The following COL5A1 variants were observed in gnomAD, a reference collection of about 807,000 sequenced individuals.
The protein encoded by COL5A1 is collagen alpha-1(V) chain.
A neutral mutation model predicts 263.7 loss-of-function variants in COL5A1; 16 were observed. The ratio of observed to expected loss-of-function variants is 0.06; its 90% CI spans 0.04 to 0.09. The LOEUF (loss-of-function observed/expected upper bound fraction) is 0.09, where lower values mean the gene tolerates loss of function less well. Among genes scored for constraint, COL5A1 ranks in the 10% least tolerant of loss-of-function variants. COL5A1 has a pLI of 1.00. For synonymous variants in COL5A1, 1,012 were observed against 1,004.5 expected, an observed-to-expected ratio of 1.01 and a Z score of -0.14; for missense variants, 2,036 against 2,540.5, an observed-to-expected ratio of 0.80 and a Z score of 4.27.
At chr9:134,714,973 G>A (rs1463789134) in intron 4 of COL5A1, among the ~76,000 whole-genome samples, 5 of 152,096 alleles carry the variant, frequency 3.3e-5, no homozygotes, top group South Asian at 2.1e-4. Flanking sequence ...GGTGTTTCTC[G>A]TTGGGTGGGA....
chr9:134,784,503 C>T (rs1163680865), intron 29 of COL5A1, among the ~76,000 whole-genome samples: 2 of 152,240 alleles, frequency 1.3e-5, no homozygotes, highest in South Asian at 4.1e-4. Context: ...CCTGGGACGC[C>T]TCCTGAGGCC....
chr9:134,805,288 C>A, intron 41 of COL5A1, 74 bp downstream of exon 41: 1 of 1,544,564 alleles, frequency 6.5e-7, no homozygotes, highest in Non-Finnish European at 8.9e-7. Context: ...TCCCCGAGAG[C>A]CCAGAGCATG....
rs1836030150 is a variant in COL5A1 at position 134,757,653 on chromosome 9, A to G, written c.1882-590A>G. On this transcript the variant is annotated intron_variant, in intron 17 of 65. Transcript: ENST00000371817. The surrounding 1 kb of genome is among the most constrained non-coding windows in gnomAD (Gnocchi z 6.2). ...AAGACCATGGTCTTCTTTCAACAACATGGCTGAAAGCCTAAAATGTCCCAT... is the reference window on the plus strand; with the variant it reads ...AAGACCATGGTCTTCTTTCAACAACGTGGCTGAAAGCCTAAAATGTCCCAT... Among the ~76,000 whole-genome samples, 1 of 152,196 alleles carries G rather than the reference A, an allele frequency of 6.6e-6. No homozygotes were observed. The highest frequency in any genetic ancestry group is 1.5e-5 in the Non-Finnish European group (1 of 68,032).
intron 35 of COL5A1, 83 bp downstream of exon 35, chr9:134,796,501 G>A (rs893727080): frequency 4.2e-6 from 6 of 1,440,286 alleles, no homozygotes; most frequent in African/African-American, 1.4e-5. Flanking sequence ...GGGGTGGGCT[G>A]GGGCCAGGGA....
At chr9:134,733,158 G>A (rs978122147) in intron 9 of COL5A1, among the ~76,000 whole-genome samples, 1 of 152,146 alleles carries the variant, frequency 6.6e-6, no homozygotes, top group Non-Finnish European at 1.5e-5. Context: ...ATACACCTTG[G>A]GTCTCCCAGA....
intron 4 of COL5A1, among the ~76,000 whole-genome samples, chr9:134,720,121 C>G (rs960433486): frequency 6.6e-6 from 1 of 152,166 alleles, no homozygotes; most frequent in Non-Finnish European, 1.5e-5. Context: ...AGGGCACGGC[C>G]CACTGGGCAA....
In COL5A1 at chr9:134,661,730, T is replaced by C. The variant is rs139314095; in HGVS notation, c.109+19434T>C. 5.7e-3 allele frequency among the ~76,000 whole-genome samples: 869 copies of C among 152,272 alleles called. 4 individuals are homozygous for C. The highest frequency in any genetic ancestry group is 0.014 in the Middle Eastern group (4 of 294). On this transcript the variant is annotated intron_variant, in intron 1 of 65. Transcript: ENST00000371817. ...TTAGCTGTAATCTCTCCAGGCCCTTTCAACCTAAATGTCTTTAATTCTGGG... is the reference window on the plus strand; with the variant it reads ...TTAGCTGTAATCTCTCCAGGCCCTTCCAACCTAAATGTCTTTAATTCTGGG...
intron 61 of COL5A1, among the ~76,000 whole-genome samples, chr9:134,824,144 A>G (rs990000533): frequency 6.6e-6 from 1 of 151,902 alleles, no homozygotes; most frequent in Non-Finnish European, 1.5e-5. Context: ...AGTCTCTCCA[A>G]CTCCCATCGT....
chr9:134,730,111 T>C (rs774974075), intron 6 of COL5A1, 125 bp from the exon 7 acceptor site: 9 of 1,443,108 alleles, frequency 6.2e-6, no homozygotes, highest in Non-Finnish European at 8.6e-6. Flanking sequence ...TCTGGGCCTC[T>C]TGACAGGCCT....
rs894036638 is a variant in COL5A1 at position 134,794,517 on chromosome 9, G to T, written c.2701-565G>T. Among the ~76,000 whole-genome samples, 3 of 152,002 alleles carry T rather than the reference G, an allele frequency of 2.0e-5. No individual in the cohort carries two copies. The highest frequency in any genetic ancestry group is 2.9e-5 in the Non-Finnish European group (2 of 67,996). On this transcript the variant is annotated intron_variant, in intron 32 of 65. Transcript: ENST00000371817. This position sits in a 1 kb window ranked among gnomAD's most constrained non-coding sequence, Gnocchi z 4.3. The stretch of plus-strand genomic sequence containing the variant: ...GTTTGGAAAATGCAAAACAACAACA[G>T]AAAAAAGAGTATAAATTCTATTAGA...
intron 9 of COL5A1, among the ~76,000 whole-genome samples, chr9:134,734,369 C>G (rs116269329): frequency 7.2e-5 from 11 of 152,180 alleles, no homozygotes; most frequent in African/African-American, 2.7e-4. Flanking sequence ...TTCCCTCCCC[C>G]GGGCCCCAGC....
chr9:134,760,500 G>GCA (rs1232533716), intron 18 of COL5A1, among the ~76,000 whole-genome samples: 1 of 61,434 alleles, frequency 1.6e-5, no homozygotes, highest in Admixed American at 2.3e-4. Flanking sequence ...CACCACACAT[G>GCA]CACACACGCA....
chr9:134,728,917 G>A (rs751410448), intron 6 of COL5A1, 110 bp downstream of exon 6: 50 of 1,442,020 alleles, frequency 3.5e-5, no homozygotes, highest in Non-Finnish European at 4.6e-5. Flanking sequence ...GGGCTGTCTG[G>A]TGAAGGTTGC....
Position 134,641,871 on chromosome 9 carries a change from C to G in COL5A1, c.-317C>G. ...AGCGGAGCGCCCACGGGGAGCGGGT[C>G]GCGGGGCGGCGGCGGCGAGGAGGAG... is the stretch of plus-strand genomic sequence containing the variant. On this transcript the variant is annotated 5_prime_UTR_variant, in exon 1 of 66. Coordinates refer to ENST00000371817, the MANE Select transcript of COL5A1 (RefSeq NM_000093.5). The G allele has an allele frequency of 2.6e-6, 1 of 389,702 alleles. No individual in the cohort carries two copies. The highest frequency in any genetic ancestry group is 3.6e-5 in the East Asian group (1 of 27,496). The allele number at this position is 389,702 out of a possible 1,614,324, so 24.1% of individuals were successfully genotyped here.
intron 32 of COL5A1, among the ~76,000 whole-genome samples, chr9:134,790,862 C>T (rs1236270175): frequency 6.6e-6 from 1 of 152,062 alleles, no homozygotes. Context: ...ACCTTTCACA[C>T]TGCACTGCAG....
chr9:134,656,116 A>G (rs765724495), intron 1 of COL5A1, among the ~76,000 whole-genome samples: 99 of 152,264 alleles, frequency 6.5e-4, no homozygotes, highest in Non-Finnish European at 9.9e-4. Context: ...CACAGTGGAC[A>G]GGTGCAGGAG....
Position 134,700,767 on chromosome 9 carries a change from A to G in COL5A1, c.492-404A>G, listed in dbSNP as rs1833643091. On this transcript the variant is annotated intron_variant, in intron 3 of 65. Transcript: ENST00000371817. This position sits in a 1 kb window ranked among gnomAD's most constrained non-coding sequence, Gnocchi z 4.0. Reference sequence around the variant, plus strand: ...CAGAGGGCACGTGACAAGTGCTCGCATGCACACAGCAAAATACAACGGCCG... The same window carrying G: ...CAGAGGGCACGTGACAAGTGCTCGCGTGCACACAGCAAAATACAACGGCCG... Among the ~76,000 whole-genome samples, 1 of 152,224 alleles carries G rather than the reference A, an allele frequency of 6.6e-6. No homozygotes were observed. The highest frequency in any genetic ancestry group is 1.5e-5 in the Non-Finnish European group (1 of 68,040).
chr9:134,819,795 T>C lies in COL5A1; in HGVS notation c.4447-321T>C, dbSNP rs558033864. ...TAGGAGCAGGCGTTCGGATTTGCCA[T>C]AGGAAATTGGAGAGCGTATACGAAG... On this transcript the variant is annotated intron_variant, in intron 57 of 65. Coordinates refer to ENST00000371817, the MANE Select transcript of COL5A1 (RefSeq NM_000093.5). Among the ~76,000 whole-genome samples, 28 of 152,342 alleles carry C rather than the reference T, an allele frequency of 1.8e-4. No homozygotes were observed. The South Asian group carries it at 5.4e-3, about 29-fold the overall frequency.
chr9:134,654,287 A>G (rs1588405654), intron 1 of COL5A1, among the ~76,000 whole-genome samples: 1 of 100,652 alleles, frequency 9.9e-6, no homozygotes, highest in East Asian at 3.4e-4. Context: ...GGAGGTGTGT[A>G]GAGCTGGTGT....
Sources: gnomAD v4.1 joint callset for allele counts (sites outside exome capture counted in the v4.1 genomes callset) on GRCh38, gnomAD v4.1.1 for gene constraint, Gnocchi (gnomAD v3.1) non-coding constraint, MANE v1.5 for transcripts, NCBI Gene and HGNC (gene_info 2026-07-23, HGNC 2026-07-21) for gene names.